The following PXDNL variants were observed in gnomAD, a reference collection of about 807,000 sequenced individuals.
PXDNL encodes probable oxidoreductase PXDNL.
In PXDNL, 145 loss-of-function variants were observed where a neutral mutation model predicts 150.8. That is an observed-to-expected ratio of 0.96 (90% CI 0.84 to 1.10). PXDNL has a LOEUF of 1.10. Among genes scored for constraint, PXDNL ranks in the 50% least tolerant of loss-of-function variants. The probability of loss-of-function intolerance (pLI) is 0.00; values close to 1 mark genes in which losing one functional copy is unlikely to be tolerated. For synonymous variants in PXDNL, 757 were observed against 725.7 expected (o/e 1.04, Z -0.69); for missense variants, 2,087 against 1,873.9 (o/e 1.11, Z -2.10).
At position 51,517,887 on chromosome 8, in the gene PXDNL, C is replaced by T. The variant is rs531168438; in HGVS notation, c.381-18117G>A. 2.6e-5 allele frequency among the ~76,000 whole-genome samples: 4 copies of T among 152,226 alleles called. No homozygotes were observed. The South Asian group carries it at 8.3e-4, about 32-fold the overall frequency. On this transcript the variant is annotated intron_variant, in intron 4 of 22. Coordinates refer to ENST00000356297, the MANE Select transcript of PXDNL (RefSeq NM_144651.5). ...AAAGGCAAAGAGTTGTTTTTGTTCT[C>T]CACTCTATTTCTTTATAGTTGGGTG...
rs538967420 is a variant in PXDNL, at chr8:51,484,145, A to T, written c.453-431T>A. On this transcript the variant is annotated intron_variant, in intron 5 of 22. Transcript: ENST00000356297. ...TAAATATTTTAAATTTAAATATTTT[A>T]AATTTAAAAATACAGGCGTGGTGGC... is the stretch of plus-strand genomic sequence containing the variant. Among the ~76,000 whole-genome samples the T allele has an allele frequency of 1.1e-4, 17 of 152,196 alleles. No homozygotes were observed. The South Asian group carries it at 3.5e-3, about 32-fold the overall frequency.
At chr8:51,431,427 C>A (rs1386984425) in intron 12 of PXDNL, among the ~76,000 whole-genome samples, 1 of 152,194 alleles carries the variant, frequency 6.6e-6, no homozygotes, top group African/African-American at 2.4e-5. Flanking sequence ...TATTCCACAG[C>A]CCACTTCATT....
At chr8:51,717,401 T>A (rs1394527630) in intron 1 of PXDNL, among the ~76,000 whole-genome samples, 1 of 152,176 alleles carries the variant, frequency 6.6e-6, no homozygotes, top group Non-Finnish European at 1.5e-5. Flanking sequence ...ACCATAGATG[T>A]CTTGCAAAAG....
chr8:51,489,933 C>T (rs112691878), intron 5 of PXDNL, among the ~76,000 whole-genome samples: 37 of 152,264 alleles, frequency 2.4e-4, no homozygotes, highest in African/African-American at 8.7e-4. Flanking sequence ...CCATGGACTT[C>T]ACTCAAGCAA....
intron 11 of PXDNL, among the ~76,000 whole-genome samples, chr8:51,448,027 C>T (rs1393425954): frequency 6.6e-6 from 1 of 152,170 alleles, no homozygotes; most frequent in African/African-American, 2.4e-5. Context: ...CTTTATGGTT[C>T]CAAAGTCTAC....
At chr8:51,324,244 C>G (rs954701135) in intron 21 of PXDNL, among the ~76,000 whole-genome samples, 1 of 152,130 alleles carries the variant, frequency 6.6e-6, no homozygotes, top group African/African-American at 2.4e-5. Context: ...AGTTTTATTT[C>G]TTCCTTTTCA....
chr8:51,626,839 G>A (rs893175333), intron 2 of PXDNL, among the ~76,000 whole-genome samples: 2 of 152,094 alleles, frequency 1.3e-5, no homozygotes, highest in African/African-American at 4.8e-5. Context: ...GGCAATTTTT[G>A]TGATAAAAAT....
intron 1 of PXDNL, among the ~76,000 whole-genome samples, chr8:51,695,032 G>A (rs1013404719): frequency 2.0e-5 from 3 of 152,168 alleles, no homozygotes; most frequent in African/African-American, 7.2e-5. Context: ...AATAGGTGAG[G>A]CCATGTGCAT....
At chr8:51,789,870 A>G (rs1445703883) in intron 1 of PXDNL, among the ~76,000 whole-genome samples, 1 of 152,202 alleles carries the variant, frequency 6.6e-6, no homozygotes, top group African/African-American at 2.4e-5. Flanking sequence ...TTTAGACTCA[A>G]TCATTTTTAA....
intron 2 of PXDNL, among the ~76,000 whole-genome samples, chr8:51,602,544 T>C (rs886770011): frequency 6.6e-6 from 1 of 151,974 alleles, no homozygotes; most frequent in African/African-American, 2.4e-5. Flanking sequence ...ATGTTAAATA[T>C]AGGAGTGACA....
intron 4 of PXDNL, among the ~76,000 whole-genome samples, chr8:51,534,440 AG>A (rs1298663307): frequency 0.011 from 1,010 of 89,534 alleles, 10 homozygotes; most frequent in African/African-American, 0.032. Flanking sequence ...GGAAGTGAGG[AG>A]CCCCTCTGCC....
chr8:51,384,731 T>G (rs1215939750), intron 17 of PXDNL, among the ~76,000 whole-genome samples: 4 of 152,112 alleles, frequency 2.6e-5, no homozygotes. Context: ...GAGGAGGAAC[T>G]TTTCTTTCTA....
intron 17 of PXDNL, among the ~76,000 whole-genome samples, chr8:51,384,310 T>C (rs1807634127): frequency 6.6e-6 from 1 of 151,950 alleles, no homozygotes; most frequent in Admixed American, 6.6e-5. Context: ...ACTAGCATGA[T>C]TAGTCAGATC....
chr8:51,608,753 C>T (rs1432418890), intron 2 of PXDNL, among the ~76,000 whole-genome samples: 1 of 140,674 alleles, frequency 7.1e-6, no homozygotes, highest in Non-Finnish European at 1.5e-5. Context: ...AGGAGAATGG[C>T]GTGAACCCGG....
intron 4 of PXDNL, among the ~76,000 whole-genome samples, chr8:51,507,436 G>T (rs1234594363): frequency 6.6e-6 from 1 of 152,204 alleles, no homozygotes; most frequent in Non-Finnish European, 1.5e-5. Context: ...CAGAAGCACT[G>T]GTTGCCTGCA....
At chr8:51,563,369 G>A (rs1444021720) in intron 3 of PXDNL, among the ~76,000 whole-genome samples, 1 of 151,872 alleles carries the variant, frequency 6.6e-6, no homozygotes, top group Non-Finnish European at 1.5e-5. Context: ...AAGCCCCCAT[G>A]TCTCTTCCTC....
chr8:51,423,509 G>A (rs1809009747), intron 14 of PXDNL, 66 bp downstream of exon 14: 6 of 1,384,014 alleles, frequency 4.3e-6, no homozygotes, highest in Admixed American at 2.0e-5. Flanking sequence ...CAGTCAAATA[G>A]GATTGGGGTA....
chr8:51,605,135 A>G (rs1813814134), intron 2 of PXDNL, among the ~76,000 whole-genome samples: 1 of 152,158 alleles, frequency 6.6e-6, no homozygotes, highest in African/African-American at 2.4e-5. Flanking sequence ...TACCATATAA[A>G]ATATAAATAT....
intron 21 of PXDNL, among the ~76,000 whole-genome samples, chr8:51,333,413 A>G (rs1805745122): frequency 1.8e-5 from 2 of 112,736 alleles, no homozygotes; most frequent in Admixed American, 1.5e-4. Context: ...GACCAATAAA[A>G]CAAAATATAA....
Sources: gnomAD v4.1 joint callset for allele counts (sites outside exome capture counted in the v4.1 genomes callset) on GRCh38, gnomAD v4.1.1 for gene constraint, MANE v1.5 for transcripts, NCBI Gene and HGNC (gene_info 2026-07-23, HGNC 2026-07-21) for gene names.